TRAF3: variants seen among roughly 807,000 people sequenced by gnomAD.
The protein encoded by TRAF3 is TNF receptor-associated factor 3.
A neutral mutation model predicts 62.3 loss-of-function variants in TRAF3; 13 were observed. The observed-to-expected ratio is 0.21, with a 90% CI of 0.14 to 0.33. The LOEUF is 0.33. Ranked by LOEUF, TRAF3 falls within the 10% of genes least tolerant of loss-of-function variation. The pLI is 1.00. For synonymous variants in TRAF3, 269 were observed against 283.4 expected (o/e 0.95, Z 0.51); for missense variants, 440 against 741.8 (o/e 0.59, Z 4.73).
intron 2 of TRAF3, among the ~76,000 whole-genome samples, chr14:102,867,533 G>A (rs925747784): frequency 6.6e-6 from 1 of 152,146 alleles, no homozygotes; most frequent in Non-Finnish European, 1.5e-5. Flanking sequence ...TCCTGGAGAA[G>A]GTCGGGGGCT....
In TRAF3 at chr14:102,896,381, G is replaced by A. The variant is rs558255981; in HGVS notation, c.820-880G>A. Reference sequence around the variant, plus strand: ...TGAGCTTGACTTTTTTAGATCCCACGTCTAAATGAGAGTGCATCGTGTTTG... The same window carrying A: ...TGAGCTTGACTTTTTTAGATCCCACATCTAAATGAGAGTGCATCGTGTTTG... On this transcript the variant is annotated intron_variant, in intron 9 of 11. Coordinates refer to ENST00000392745, the MANE Select transcript of TRAF3 (RefSeq NM_145725.3). Among the ~76,000 whole-genome samples, 10 of 152,218 alleles carry A rather than the reference G, an allele frequency of 6.6e-5. No individual in the cohort carries two copies. The East Asian group carries it at 1.3e-3, about 21-fold the overall frequency.
intron 6 of TRAF3, among the ~76,000 whole-genome samples, chr14:102,877,146 C>G (rs901987269): frequency 4.7e-5 from 7 of 148,652 alleles, no homozygotes; most frequent in Admixed American, 1.3e-4. Flanking sequence ...ATAGATAATC[C>G]GTTCCACAGG....
At chr14:102,784,463 T>C (rs1020073389) in intron 1 of TRAF3, among the ~76,000 whole-genome samples, 12 of 152,152 alleles carry the variant, frequency 7.9e-5, no homozygotes, top group African/African-American at 2.9e-4. Flanking sequence ...CTTCAGGTGA[T>C]CTGCCCGCCT....
intron 2 of TRAF3, among the ~76,000 whole-genome samples, chr14:102,867,997 G>A (rs1235404910): frequency 2.6e-5 from 4 of 152,204 alleles, no homozygotes; most frequent in Admixed American, 6.5e-5. Context: ...GTCAGCTCAT[G>A]TGCCTGTCAG....
At chr14:102,845,623 C>T (rs1886659475) in intron 2 of TRAF3, among the ~76,000 whole-genome samples, 1 of 151,468 alleles carries the variant, frequency 6.6e-6, no homozygotes, top group Admixed American at 6.6e-5. Flanking sequence ...TCATGCCATT[C>T]TCCTGCCTCA....
intron 1 of TRAF3, among the ~76,000 whole-genome samples, chr14:102,816,714 C>G (rs368587711): frequency 6.6e-6 from 1 of 152,092 alleles, no homozygotes; most frequent in African/African-American, 2.4e-5. Flanking sequence ...TTTCTTGATT[C>G]GATTCTCTGT....
chr14:102,855,794 TA>T (rs59248096), intron 2 of TRAF3, among the ~76,000 whole-genome samples: 44,856 of 131,934 alleles, frequency 0.34, 10,084 homozygotes, highest in African/African-American at 0.66. Context: ...AGACTTTATC[TA>T]AAAAAAAAAA....
chr14:102,873,110 G>A (rs1398221033), intron 4 of TRAF3, among the ~76,000 whole-genome samples: 1 of 152,022 alleles, frequency 6.6e-6, no homozygotes, highest in Non-Finnish European at 1.5e-5. Flanking sequence ...TCTTACTCTG[G>A]GGTTTTCCTG....
intron 1 of TRAF3, chr14:102,810,617 T>G (rs943562345): frequency 3.3e-5 from 5 of 152,214 alleles, no homozygotes; most frequent in African/African-American, 1.2e-4. Context: ...AGGCTAAAGA[T>G]TTATCTTGAG....
chr14:102,784,838 A>T (rs1226249121), intron 1 of TRAF3, among the ~76,000 whole-genome samples: 1 of 151,632 alleles, frequency 6.6e-6, no homozygotes, highest in Non-Finnish European at 1.5e-5. Context: ...GGAAGCTAGC[A>T]GCAGGAGTGG....
intron 2 of TRAF3, among the ~76,000 whole-genome samples, chr14:102,847,419 C>G (rs1886790949): frequency 6.6e-6 from 1 of 152,160 alleles, no homozygotes; most frequent in Non-Finnish European, 1.5e-5. Flanking sequence ...AGGCAATCCA[C>G]CCTCCTCGAC....
At chr14:102,802,322 T>C (rs1898488425) in intron 1 of TRAF3, among the ~76,000 whole-genome samples, 1 of 33,374 alleles carries the variant, frequency 3.0e-5, no homozygotes. Context: ...GCCTGGCTAA[T>C]TTTTTGTATT....
chr14:102,866,486 T>A (rs1848576189), intron 2 of TRAF3, among the ~76,000 whole-genome samples: 1 of 152,168 alleles, frequency 6.6e-6, no homozygotes, highest in Non-Finnish European at 1.5e-5. Context: ...AAGGATTAGC[T>A]GTTAACATAT....
At position 102,826,106 on chromosome 14, in the gene TRAF3, A is replaced by G. The variant is rs1352389071; in HGVS notation, c.-156-4228A>G. Among the ~76,000 whole-genome samples, 1 of 152,180 alleles carries G rather than the reference A, an allele frequency of 6.6e-6. No homozygotes were observed. The highest frequency in any genetic ancestry group is 1.9e-4 in the East Asian group (1 of 5,192). ...GAATCCCTCCCACCCCCGTGAGGTA[A>G]CAACGTCTTTTCCAGTTGGTGTCAG... On this transcript the variant is annotated intron_variant, in intron 1 of 11. Transcript: ENST00000392745. This position sits in a 1 kb window ranked among gnomAD's most constrained non-coding sequence, Gnocchi z 4.6.
chr14:102,889,472 A>G (rs1198094532), intron 7 of TRAF3, 88 bp from the exon 8 acceptor site: 2 of 1,323,078 alleles, frequency 1.5e-6, no homozygotes, highest in South Asian at 1.2e-5. Context: ...TCTTAATAGT[A>G]CAGCTCAGAT....
At chr14:102,865,604 A>G (rs748126168) in intron 2 of TRAF3, among the ~76,000 whole-genome samples, 12 of 151,804 alleles carry the variant, frequency 7.9e-5, no homozygotes, top group East Asian at 1.9e-4. Context: ...GGTTCAAGCA[A>G]TTCTCCTGCC....
Position 102,802,030 on chromosome 14 carries a change from A to AT in TRAF3, c.-157+24367dup, listed in dbSNP as rs1240525217. Among the ~76,000 whole-genome samples, 269 of 135,806 alleles carry AT rather than the reference A, an allele frequency of 2.0e-3. 1 individual carries two copies. Among genetic ancestry groups the AT allele is most frequent in the South Asian group, 6.9e-3 (29 of 4,182 alleles). The allele number at this position is 135,806 out of a possible 152,430, so 89.1% of individuals were successfully genotyped here. A position where few individuals can be genotyped will look rare whatever the true frequency, so the allele number is the denominator to read the frequency against. On this transcript the variant is annotated intron_variant, in intron 1 of 11. Transcript: ENST00000392745. The stretch of plus-strand genomic sequence containing the variant: ...GACTCCATCTCAAAAAAAAAAAAAA[A>AT]TTTTTTTTTTTTGAGACGGAGTCTC...
chr14:102,869,599 G>T (rs759492694), intron 2 of TRAF3, among the ~76,000 whole-genome samples: 39 of 152,026 alleles, frequency 2.6e-4, no homozygotes, highest in Non-Finnish European at 4.7e-4. Flanking sequence ...GAGGTCAGGA[G>T]ATTGAGATCA....
Position 102,897,416 on chromosome 14 carries a change from A to G in TRAF3, c.960+15A>G. The G allele has an allele frequency of 6.2e-7, 1 of 1,612,982 alleles. No homozygotes were observed. Among genetic ancestry groups the G allele is most frequent in the Non-Finnish European group, 8.5e-7 (1 of 1,179,412 alleles). On this transcript the variant is annotated intron_variant, in intron 10 of 11. Transcript: ENST00000392745. ...TTCATTTACAGGTAAGAATCTTAGG[A>G]CTACGGCCAGATCAAAGGGTGGAGG...
Sources: allele counts gnomAD v4.1 joint callset (sites outside exome capture counted in the v4.1 genomes callset), GRCh38; gene constraint gnomAD v4.1.1; non-coding constraint Gnocchi (gnomAD v3.1); transcripts MANE v1.5; gene names NCBI Gene and HGNC (gene_info 2026-07-23, HGNC 2026-07-21).